Variants in MAGI2 observed in about 807,000 individuals in gnomAD.
MAGI2 encodes the protein membrane-associated guanylate kinase, WW and PDZ domain-containing protein 2.
MAGI2 carries 35 observed loss-of-function variants against 133.3 expected under a neutral mutation model. That is an observed-to-expected ratio of 0.26 (90% CI 0.20 to 0.35). The LOEUF (loss-of-function observed/expected upper bound fraction) is 0.35, where lower values mean the gene tolerates loss of function less well. Among genes scored for constraint, MAGI2 ranks in the 10% least tolerant of loss-of-function variants. The pLI is 1.00. For synonymous variants in MAGI2, 729 were observed against 710.6 expected (o/e 1.03, Z -0.41); for missense variants, 1,636 against 1,863.4 (o/e 0.88, Z 2.25).
chr7:79,110,103 G>C (rs189257446), intron 1 of MAGI2, among the ~76,000 whole-genome samples: 1 of 151,888 alleles, frequency 6.6e-6, no homozygotes, highest in East Asian at 2.0e-4. Context: ...GTCTGTAGGA[G>C]AGCAAGAGTG....
intron 1 of MAGI2, among the ~76,000 whole-genome samples, chr7:79,011,611 T>C (rs571293334): frequency 2.0e-5 from 3 of 152,214 alleles, no homozygotes; most frequent in African/African-American, 7.2e-5. Flanking sequence ...AGTTCACTAA[T>C]TGGGATAGTA....
intron 9 of MAGI2, chr7:78,285,761 G>A (rs554784488): frequency 1.4e-4 from 22 of 152,282 alleles, no homozygotes; most frequent in African/African-American, 4.8e-4. Flanking sequence ...TGGGGTCCAA[G>A]ATTCTGCATA....
At chr7:78,533,153 G>A (rs1797608484) in intron 3 of MAGI2, among the ~76,000 whole-genome samples, 1 of 151,976 alleles carries the variant, frequency 6.6e-6, no homozygotes, top group African/African-American at 2.4e-5. Context: ...ATTCTTTAAA[G>A]GTGTAAAGGT....
chr7:78,116,654 G>A (rs1364159363), intron 20 of MAGI2, among the ~76,000 whole-genome samples: 1 of 152,144 alleles, frequency 6.6e-6, no homozygotes, highest in Admixed American at 6.5e-5. Flanking sequence ...TGAAGCAGTA[G>A]TATTGCTTGA....
chr7:78,203,185 T>C (rs1281023592), intron 10 of MAGI2, among the ~76,000 whole-genome samples: 1 of 152,232 alleles, frequency 6.6e-6, no homozygotes, highest in Non-Finnish European at 1.5e-5. Context: ...CTTTGTGTCA[T>C]CACCTTCTTC....
At chr7:78,745,553 C>T (rs185718672) in intron 2 of MAGI2, among the ~76,000 whole-genome samples, 7 of 151,366 alleles carry the variant, frequency 4.6e-5, no homozygotes, top group East Asian at 1.9e-4. Flanking sequence ...ACAACAACAA[C>T]GTTATTTCCA....
At chr7:78,629,411 C>G (rs1048890751) in intron 2 of MAGI2, among the ~76,000 whole-genome samples, 1 of 152,126 alleles carries the variant, frequency 6.6e-6, no homozygotes, top group African/African-American at 2.4e-5. Context: ...CTATTCTGTT[C>G]TTCTTTCTAA....
chr7:79,443,687 T>A (rs1848648085), intron 1 of MAGI2, among the ~76,000 whole-genome samples: 1 of 152,218 alleles, frequency 6.6e-6, no homozygotes, highest in African/African-American at 2.4e-5. Flanking sequence ...TTCCCTGTGA[T>A]CTATTAAGTG....
At chr7:78,752,527 C>A (rs1351283421) in intron 2 of MAGI2, among the ~76,000 whole-genome samples, 2 of 152,142 alleles carry the variant, frequency 1.3e-5, no homozygotes. Context: ...TGCTTGAACC[C>A]GGGAGGCAGA....
chr7:78,822,821 A>G (rs1790244423), intron 2 of MAGI2, among the ~76,000 whole-genome samples: 1 of 152,212 alleles, frequency 6.6e-6, no homozygotes, highest in African/African-American at 2.4e-5. Flanking sequence ...GTAACTTTGT[A>G]AGTCAAATAA....
At chr7:78,209,221 CAAAAAAAAAAAA>C (rs370809243) in intron 10 of MAGI2, among the ~76,000 whole-genome samples, 1 of 10,626 alleles carries the variant, frequency 9.4e-5, no homozygotes, top group Non-Finnish European at 1.6e-4. Flanking sequence ...GACTCTGTCT[CAAAAAAAAAAAA>C]AAAAAAAAAA....
intron 2 of MAGI2, among the ~76,000 whole-genome samples, chr7:78,741,429 G>A (rs911131636): frequency 4.6e-5 from 6 of 130,278 alleles, no homozygotes; most frequent in African/African-American, 1.8e-4. Flanking sequence ...ACACACACAC[G>A]GGAGGGGGGT....
At chr7:79,076,142 C>T (rs187628433) in intron 1 of MAGI2, among the ~76,000 whole-genome samples, 15 of 152,312 alleles carry the variant, frequency 9.8e-5, no homozygotes, top group Admixed American at 1.3e-4. Context: ...CAATTATATT[C>T]TCAACTTTAT....
At chr7:78,638,425 C>T (rs1266038253) in intron 2 of MAGI2, among the ~76,000 whole-genome samples, 1 of 152,226 alleles carries the variant, frequency 6.6e-6, no homozygotes, top group Admixed American at 6.5e-5. Flanking sequence ...CTCCTCTACC[C>T]AGCAGATTTC....
chr7:78,297,382 G>A (rs1025569087), intron 9 of MAGI2, among the ~76,000 whole-genome samples: 32 of 152,054 alleles, frequency 2.1e-4, no homozygotes, highest in Admixed American at 2.0e-3. Flanking sequence ...CTGTTGGTGG[G>A]ACTGCAAACT....
chr7:78,432,375 A>G (rs1358965305), intron 6 of MAGI2, among the ~76,000 whole-genome samples: 2 of 152,120 alleles, frequency 1.3e-5, no homozygotes, highest in Non-Finnish European at 1.5e-5. Flanking sequence ...TTCAGATTGT[A>G]GTTCTAACCG....
chr7:78,510,120 A>G (rs944817652), intron 4 of MAGI2, among the ~76,000 whole-genome samples: 2 of 152,214 alleles, frequency 1.3e-5, no homozygotes, highest in Non-Finnish European at 2.9e-5. Context: ...CATAAAGAGA[A>G]TAGGAATAAT....
chr7:79,118,664 C>T (rs747296175), intron 1 of MAGI2, among the ~76,000 whole-genome samples: 1 of 152,054 alleles, frequency 6.6e-6, no homozygotes, highest in Non-Finnish European at 1.5e-5. Flanking sequence ...AATGAAAATT[C>T]ACTTTGTAAG....
In MAGI2 at chr7:78,965,296, C is replaced by A. The variant is rs371508937; in HGVS notation, c.418+41794G>T. On this transcript the variant is annotated intron_variant, in intron 2 of 21. Coordinates refer to ENST00000354212, the MANE Select transcript of MAGI2 (RefSeq NM_012301.4). ...CATAGGGATATGCATGTCACAAAGA[C>A]AAACGATTAACTTGTTGAAAAGTTA... 2.0e-4 allele frequency among the ~76,000 whole-genome samples: 31 copies of A among 151,444 alleles called. No homozygotes were observed. In the South Asian group the frequency reaches 6.0e-3, roughly 30 times the overall value.
Sources: allele counts gnomAD v4.1 joint callset (sites outside exome capture counted in the v4.1 genomes callset), GRCh38; gene constraint gnomAD v4.1.1; transcripts MANE v1.5; gene names NCBI Gene and HGNC (gene_info 2026-07-23, HGNC 2026-07-21).